SSUH2: variants seen among roughly 807,000 people sequenced by gnomAD.
SSUH2 encodes protein SSUH2 homolog.
SSUH2 carries 47 observed loss-of-function variants against 55.3 expected under a neutral mutation model. That is an observed-to-expected ratio of 0.85 (90% CI 0.67 to 1.08). The LOEUF (loss-of-function observed/expected upper bound fraction) is 1.08. Among genes scored for constraint, SSUH2 ranks in the 50% least tolerant of loss-of-function variants. The pLI is 0.00. For missense variants in SSUH2, 535 were observed against 490.7 expected (o/e 1.09, Z -0.85); for synonymous variants, 212 against 191.5 (o/e 1.11, Z -0.89).
chr3:8,675,443 T>C (rs530015842), intron 3 of SSUH2, among the ~76,000 whole-genome samples: 66 of 152,220 alleles, frequency 4.3e-4, no homozygotes, highest in South Asian at 3.5e-3. Flanking sequence ...GGACACCCCA[T>C]TGCAGTCGGG....
chr3:8,677,042 C>G (rs1337037504), intron 3 of SSUH2, among the ~76,000 whole-genome samples: 1 of 146,574 alleles, frequency 6.8e-6, no homozygotes, highest in Non-Finnish European at 1.5e-5. Context: ...AGGAACCCCC[C>G]AGGAGGCGGG....
chr3:8,635,347 T>G lies in SSUH2; in HGVS notation c.162A>C (p.Pro54=). 2.6e-6 allele frequency: 4 copies of G among 1,536,012 alleles called. No individual in the cohort carries two copies. The highest frequency in any genetic ancestry group is 3.5e-6 in the Non-Finnish European group (4 of 1,146,848). ...AGGACCTTTGCTCCTGGGGCCTCCC[T>G]GGGGCCTCCAAAGGTGGGAAGAATA... The part of the protein sequence containing the change: ...GQIFFPPLEA[P]GRPQEQRSWP... Residue 54 remains proline, a synonymous_variant, in exon 3 of 12, where the codon CCA becomes CCC. Transcript: ENST00000544814.
upstream of SSUH2, among the ~76,000 whole-genome samples, chr3:8,645,360 T>TC (rs1260437730): frequency 6.6e-6 from 1 of 152,074 alleles, no homozygotes; most frequent in African/African-American, 2.4e-5. Context: ...CAGAGCTGGC[T>TC]CCCAACCCAG....
At chr3:8,657,503 A>G (rs1389433474) in intron 7 of SSUH2, among the ~76,000 whole-genome samples, 1 of 152,286 alleles carries the variant, frequency 6.6e-6, no homozygotes, top group African/African-American at 2.4e-5. Flanking sequence ...GAGGTGTTCC[A>G]TGCTCATAGA....
At chr3:8,633,567 T>C (rs1699301193) in intron 4 of SSUH2, 99 bp downstream of exon 4, 6 of 1,027,272 alleles carry the variant, frequency 5.8e-6, no homozygotes, top group African/African-American at 1.6e-5. Context: ...CCAGGACTCC[T>C]TTCCCCTGGC....
At position 8,625,586 on chromosome 3, in the gene SSUH2, C is replaced by A; in HGVS notation, c.829G>T (p.Ala277Ser). 6.2e-7 allele frequency: 1 copy of A among 1,613,996 alleles called. No individual in the cohort carries two copies. Among genetic ancestry groups the A allele is most frequent in the Non-Finnish European group, 8.5e-7 (1 of 1,179,914 alleles). Residue 277 changes from alanine to serine, a missense_variant, in exon 10 of 12, where the codon GCT (alanine) becomes TCT (serine). Coordinates refer to ENST00000544814, the MANE Select transcript of SSUH2 (RefSeq NM_001256748.3). ...HRLNCPRELLAKAKGENLFKD... is the reference protein window; with the variant it reads ...HRLNCPRELLSKAKGENLFKD... ...AAGAGGTTTTCTCCTTTGGCTTTAG[C>A]AAGGAGCTCCCTGGGGCAGTTGAGC...
chr3:8,648,469 A>T (rs1226480594), upstream of SSUH2, among the ~76,000 whole-genome samples: 1 of 152,214 alleles, frequency 6.6e-6, no homozygotes, highest in Non-Finnish European at 1.5e-5. Flanking sequence ...CGCAGGCCAG[A>T]GGCCTTCAGG....
At chr3:8,627,621 T>G (rs1164177737) in intron 8 of SSUH2, 77 bp downstream of exon 8, 1 of 1,276,208 alleles carries the variant, frequency 7.8e-7, no homozygotes, top group Admixed American at 2.4e-5. Flanking sequence ...GGGTTCCTGT[T>G]TGCCTTCCAG....
intron 5 of SSUH2, among the ~76,000 whole-genome samples, chr3:8,668,126 G>C (rs1001415280): frequency 1.3e-5 from 2 of 151,972 alleles, no homozygotes; most frequent in African/African-American, 2.4e-5. Flanking sequence ...GCTATATGGA[G>C]AGTTAACATT....
intron 3 of SSUH2, among the ~76,000 whole-genome samples, chr3:8,676,634 T>C (rs555513402): frequency 2.0e-5 from 3 of 150,914 alleles, no homozygotes; most frequent in South Asian, 2.1e-4. Flanking sequence ...TTATGGGGAG[T>C]CATATCTGCC....
upstream of SSUH2, among the ~76,000 whole-genome samples, chr3:8,647,331 C>T (rs1283505633): frequency 6.6e-6 from 1 of 152,254 alleles, no homozygotes; most frequent in Non-Finnish European, 1.5e-5. Context: ...AACAAAGAAA[C>T]TTTCTAGTGA....
chr3:8,678,135 C>T (rs983040651), intron 2 of SSUH2, among the ~76,000 whole-genome samples: 9 of 152,046 alleles, frequency 5.9e-5, no homozygotes, highest in Non-Finnish European at 8.8e-5. Context: ...CCTCCAGGAT[C>T]GTGGGAACAA....
chr3:8,620,517 C>G (rs1186760422), intron 11 of SSUH2, among the ~76,000 whole-genome samples: 1 of 152,216 alleles, frequency 6.6e-6, no homozygotes, highest in Non-Finnish European at 1.5e-5. Context: ...CTAAACCCTG[C>G]TACAATCTGC....
intron 1 of SSUH2, among the ~76,000 whole-genome samples, chr3:8,641,974 C>T (rs1700926608): frequency 6.6e-6 from 1 of 152,154 alleles, no homozygotes; most frequent in African/African-American, 2.4e-5. Flanking sequence ...GGCCCCAGAC[C>T]AGGGCTCTCA....
chr3:8,669,355 A>C (rs1485376947), intron 5 of SSUH2, among the ~76,000 whole-genome samples: 1 of 152,242 alleles, frequency 6.6e-6, no homozygotes, highest in Non-Finnish European at 1.5e-5. Flanking sequence ...TGATTGAATA[A>C]ATAACAAGTA....
intron 10 of SSUH2, among the ~76,000 whole-genome samples, chr3:8,624,086 G>A (rs533920263): frequency 6.6e-6 from 1 of 152,300 alleles, no homozygotes; most frequent in South Asian, 2.1e-4. Context: ...AATAAGCCCA[G>A]GCGCTTGCAC....
intron 2 of SSUH2, among the ~76,000 whole-genome samples, chr3:8,679,142 C>T (rs1705736491): frequency 9.4e-6 from 1 of 106,494 alleles, no homozygotes; most frequent in East Asian, 2.4e-4. Context: ...GGGAGGCACC[C>T]CCGCGAGGCG....
chr3:8,635,486 A>C (rs1360212431), intron 2 of SSUH2, 105 bp from the exon 3 acceptor site: 3 of 892,522 alleles, frequency 3.4e-6, no homozygotes, highest in Non-Finnish European at 5.1e-6. Flanking sequence ...GAACAGATGA[A>C]GAAACAGTGA....
Position 8,650,195 on chromosome 3 carries a change from C to T in SSUH2, c.-307+8730G>A, listed in dbSNP as rs183116606. ...AAAATTGAACACCCTGCCGCCACCA[C>T]CAAATCTCCAGTCTCAGACCCTCTT... On this transcript the variant is annotated intron_variant, in intron 7 of 18. Transcript: ENST00000317371. 3.3e-5 allele frequency among the ~76,000 whole-genome samples: 5 copies of T among 152,348 alleles called. No individual in the cohort carries two copies. In the East Asian group the frequency reaches 9.6e-4, roughly 29 times the overall value.
Sources: gnomAD v4.1 joint callset for allele counts (sites outside exome capture counted in the v4.1 genomes callset) on GRCh38, gnomAD v4.1.1 for gene constraint, MANE v1.5 for transcripts, NCBI Gene and HGNC (gene_info 2026-07-23, HGNC 2026-07-21) for gene names.